SMCO4: variants seen among roughly 807,000 people sequenced by gnomAD.
SMCO4 encodes the protein single-pass membrane and coiled-coil domain-containing protein 4.
SMCO4 carries 4 observed loss-of-function variants against 3.6 expected under a neutral mutation model. The ratio of observed to expected loss-of-function variants is 1.11; its 90% CI spans 0.54 to 2.53. SMCO4 has a LOEUF of 2.53. Ranked by LOEUF, SMCO4 falls within the 30% of genes most tolerant of loss-of-function variation. The pLI, the probability that SMCO4 is intolerant of heterozygous loss-of-function variation, is 0.02. For synonymous variants in SMCO4, 36 were observed against 35.3 expected (o/e 1.02, Z -0.07); for missense variants, 70 against 80.8 (o/e 0.87, Z 0.51).
chr11:93,509,860 A>C (rs1305771963), intron 1 of SMCO4, among the ~76,000 whole-genome samples: 1 of 152,186 alleles, frequency 6.6e-6, no homozygotes. Context: ...AAGGATACAC[A>C]CTGAGTATAG....
chr11:93,544,254 T>C (rs1591334622), upstream of SMCO4, among the ~76,000 whole-genome samples: 2 of 152,224 alleles, frequency 1.3e-5, no homozygotes, highest in Admixed American at 6.5e-5. Flanking sequence ...ATGGTAGTTA[T>C]TGTTGTATTA....
At chr11:93,495,450 T>C (rs1167751711) in intron 2 of SMCO4, among the ~76,000 whole-genome samples, 1 of 152,034 alleles carries the variant, frequency 6.6e-6, no homozygotes, top group African/African-American at 2.4e-5. Flanking sequence ...ACGCAGGACC[T>C]CCGACACACA....
chr11:93,521,929 G>A (rs1398376181), intron 1 of SMCO4, among the ~76,000 whole-genome samples: 1 of 152,180 alleles, frequency 6.6e-6, no homozygotes, highest in East Asian at 1.9e-4. Context: ...TATGGCCTGG[G>A]AGGGATGCAC....
chr11:93,481,798 G>A (rs1948595518), intron 2 of SMCO4, among the ~76,000 whole-genome samples: 1 of 152,206 alleles, frequency 6.6e-6, no homozygotes, highest in Admixed American at 6.5e-5. Flanking sequence ...TTTCCTTGTG[G>A]AGCTAATGGC....
At chr11:93,536,909 CTGACA>C (rs1949231074) in intron 1 of SMCO4, among the ~76,000 whole-genome samples, 1 of 152,208 alleles carries the variant, frequency 6.6e-6, no homozygotes, top group Non-Finnish European at 1.5e-5. Flanking sequence ...CTTCCCAAGA[CTGACA>C]AAGTTCAAGC....
intron 2 of SMCO4, among the ~76,000 whole-genome samples, chr11:93,491,122 A>C (rs1948709732): frequency 6.6e-6 from 1 of 152,242 alleles, no homozygotes; most frequent in Admixed American, 6.5e-5. Flanking sequence ...TAGGTACTTT[A>C]AAACAGCAGG....
intron 1 of SMCO4, among the ~76,000 whole-genome samples, chr11:93,534,375 T>TAGAGAG (rs1555079957): frequency 0.014 from 2,050 of 142,090 alleles, 39 homozygotes; most frequent in African/African-American, 0.036. Flanking sequence ...TATATATATA[T>TAGAGAG]AGAGAGAGAG....
At chr11:93,551,661 G>A in the SMCO4 span, among the ~76,000 whole-genome samples, 1 of 152,198 alleles carries the variant, frequency 6.6e-6, no homozygotes, top group Non-Finnish European at 1.5e-5. Context: ...TCAGTGCCTG[G>A]AGAGCGGATG....
intron 1 of SMCO4, among the ~76,000 whole-genome samples, chr11:93,534,252 A>G (rs1159077275): frequency 2.0e-5 from 3 of 146,518 alleles, no homozygotes; most frequent in African/African-American, 7.6e-5. Context: ...ACACACACAC[A>G]CACACACACA....
intron 2 of SMCO4, among the ~76,000 whole-genome samples, chr11:93,493,379 C>G (rs1203503244): frequency 6.6e-6 from 1 of 152,162 alleles, no homozygotes; most frequent in Admixed American, 6.5e-5. Flanking sequence ...ACGCTGCCCC[C>G]ACCTGCTCCT....
chr11:93,486,050 G>A (rs1948646180), intron 2 of SMCO4, among the ~76,000 whole-genome samples: 1 of 152,174 alleles, frequency 6.6e-6, no homozygotes, highest in African/African-American at 2.4e-5. Context: ...CACCCATCCT[G>A]TGTGACCCCA....
At chr11:93,514,391 T>TAC (rs1192263012) in intron 1 of SMCO4, among the ~76,000 whole-genome samples, 1 of 19,768 alleles carries the variant, frequency 5.1e-5, no homozygotes, top group African/African-American at 1.8e-4. Context: ...TATATATATA[T>TAC]ATATATATAT....
At chr11:93,522,983 C>A (rs1437102911) in intron 1 of SMCO4, among the ~76,000 whole-genome samples, 1 of 152,156 alleles carries the variant, frequency 6.6e-6, no homozygotes, top group African/African-American at 2.4e-5. Context: ...GATCACACAG[C>A]AAATACACAA....
At chr11:93,536,281 C>A (rs959777780) in intron 1 of SMCO4, among the ~76,000 whole-genome samples, 1 of 152,178 alleles carries the variant, frequency 6.6e-6, no homozygotes, top group Non-Finnish European at 1.5e-5. Flanking sequence ...ACTGCTGCAA[C>A]ATTTTAAATG....
At chr11:93,542,694 A>C (rs2399675) in intron 1 of SMCO4, among the ~76,000 whole-genome samples, 148,129 of 152,210 alleles carry the variant, frequency 0.97, 72,203 homozygotes, top group East Asian at 1. Context: ...TCGGTCCCGA[A>C]AGAACGGGGG....
chr11:93,499,627 C>G (rs554637991), intron 1 of SMCO4, among the ~76,000 whole-genome samples: 36 of 152,346 alleles, frequency 2.4e-4, no homozygotes, highest in African/African-American at 8.2e-4. Flanking sequence ...GGCAGTCAAG[C>G]TTTGCTTCCT....
At chr11:93,545,089 G>T (rs1474649698), upstream of SMCO4, among the ~76,000 whole-genome samples, 1 of 152,166 alleles carries the variant, frequency 6.6e-6, no homozygotes, top group African/African-American at 2.4e-5. Context: ...CAGTGGTACT[G>T]CCGTGTGAAT....
intron 2 of SMCO4, among the ~76,000 whole-genome samples, chr11:93,489,741 T>C (rs1044634450): frequency 4.6e-5 from 7 of 152,196 alleles, no homozygotes; most frequent in Non-Finnish European, 7.3e-5. Flanking sequence ...GCTTAAGTCA[T>C]GTGTCCAAGG....
intron 1 of SMCO4, among the ~76,000 whole-genome samples, chr11:93,519,218 TG>T (rs1166503780): frequency 2.0e-5 from 3 of 152,108 alleles, no homozygotes; most frequent in Non-Finnish European, 4.4e-5. Context: ...AGGAGGACAG[TG>T]GCAAGATGGG....
Sources: allele counts gnomAD v4.1 joint callset (sites outside exome capture counted in the v4.1 genomes callset), GRCh38; gene constraint gnomAD v4.1.1; transcripts MANE v1.5; gene names NCBI Gene and HGNC (gene_info 2026-07-23, HGNC 2026-07-21).